Variants in TAB2 observed in about 807,000 individuals in gnomAD.
TAB2 encodes TGF-beta-activated kinase 1 and MAP3K7-binding protein 2.
A neutral mutation model predicts 65.0 loss-of-function variants in TAB2; 3 were observed. That is an observed-to-expected ratio of 0.05 (90% CI 0.02 to 0.12). The LOEUF (loss-of-function observed/expected upper bound fraction) is 0.12, where lower values mean the gene tolerates loss of function less well. Among genes scored for constraint, TAB2 ranks in the 10% least tolerant of loss-of-function variants. TAB2 has a pLI of 1.00. For missense variants in TAB2, 623 were observed against 840.3 expected, an observed-to-expected ratio of 0.74 and a Z score of 3.20; for synonymous variants, 298 against 285.1, an observed-to-expected ratio of 1.05 and a Z score of -0.46.
At chr6:149,221,560 A>C (rs1257746359) in intron 1 of TAB2, among the ~76,000 whole-genome samples, 1 of 152,232 alleles carries the variant, frequency 6.6e-6, no homozygotes, top group Non-Finnish European at 1.5e-5. Context: ...CCACTGCTAC[A>C]GCCAACTGAG....
intron 1 of TAB2, among the ~76,000 whole-genome samples, chr6:149,329,805 T>TA (rs2065626247): frequency 6.6e-6 from 1 of 152,164 alleles, no homozygotes; most frequent in Admixed American, 6.5e-5. Flanking sequence ...GGCTTTAAGA[T>TA]AAAATCTAAT....
intron 1 of TAB2, among the ~76,000 whole-genome samples, chr6:149,290,720 C>T (rs1778760926): frequency 6.6e-6 from 1 of 152,146 alleles, no homozygotes; most frequent in Admixed American, 6.5e-5. Flanking sequence ...TAGGGCACAC[C>T]TGTGGTCCTA....
At chr6:149,382,031 C>G (rs1336414336) in intron 3 of TAB2, among the ~76,000 whole-genome samples, 1 of 152,158 alleles carries the variant, frequency 6.6e-6, no homozygotes, top group African/African-American at 2.4e-5. Flanking sequence ...TGCATCAGAT[C>G]ATATCACTTC....
intron 1 of TAB2, among the ~76,000 whole-genome samples, chr6:149,252,365 A>G (rs908229709): frequency 1.3e-5 from 2 of 150,132 alleles, no homozygotes; most frequent in African/African-American, 2.5e-5. Flanking sequence ...ACGCCATTGC[A>G]CTGCAACCTG....
At chr6:149,312,911 C>T (rs567237853), upstream of TAB2, among the ~76,000 whole-genome samples, 1 of 152,102 alleles carries the variant, frequency 6.6e-6, no homozygotes, top group Non-Finnish European at 1.5e-5. Context: ...ATATTGTAGT[C>T]ACCATGTTGC....
chr6:149,283,832 ATG>A (rs1262273971), intron 1 of TAB2, among the ~76,000 whole-genome samples: 2 of 152,196 alleles, frequency 1.3e-5, no homozygotes, highest in Non-Finnish European at 2.9e-5. Flanking sequence ...TTATAATTAC[ATG>A]TGTGTATTAC....
intron 1 of TAB2, among the ~76,000 whole-genome samples, chr6:149,358,975 T>A (rs1407181200): frequency 1.3e-5 from 2 of 152,168 alleles, no homozygotes; most frequent in African/African-American, 2.4e-5. Flanking sequence ...AAGTCTTAAT[T>A]GATTCTTTTT....
At chr6:149,335,305 G>A (rs1242080348) in intron 1 of TAB2, among the ~76,000 whole-genome samples, 1 of 150,614 alleles carries the variant, frequency 6.6e-6, no homozygotes, top group African/African-American at 2.4e-5. Flanking sequence ...ATATAGATAT[G>A]TATGTATGTA....
intron 1 of TAB2, among the ~76,000 whole-genome samples, chr6:149,368,645 TTGTGTGTGTG>T (rs3056968): frequency 4.0e-4 from 59 of 147,594 alleles, no homozygotes; most frequent in African/African-American, 1.1e-3. Flanking sequence ...ATGCGAAAAT[TTGTGTGTGTG>T]TGTGTGTGTG....
chr6:149,223,877 C>G (rs555193757), intron 1 of TAB2, among the ~76,000 whole-genome samples: 1 of 152,068 alleles, frequency 6.6e-6, no homozygotes, highest in South Asian at 2.1e-4. Flanking sequence ...CTGGCTGAGA[C>G]TACACACCTC....
chr6:149,332,064 CAA>C (rs894140342), intron 1 of TAB2, among the ~76,000 whole-genome samples: 55 of 152,208 alleles, frequency 3.6e-4, no homozygotes, highest in Admixed American at 7.2e-4. Flanking sequence ...TCAAGGATGA[CAA>C]GAGATTTTTG....
At chr6:149,317,408 C>G (rs572649536), upstream of TAB2, 300 of 83,396 alleles carry the variant, frequency 3.6e-3, 1 homozygote, top group African/African-American at 0.015. This position sits in a 1 kb window ranked among gnomAD's most constrained non-coding sequence, Gnocchi z 4.7. Context: ...ATCCCCGGGC[C>G]GCAGCCGCAG....
At chr6:149,304,383 A>G (rs1779021886) in intron 1 of TAB2, 1 of 153,496 alleles carries the variant, frequency 6.5e-6, no homozygotes, top group South Asian at 2.1e-4. Context: ...GATGGTCACC[A>G]TGGGTTTTGC....
At chr6:149,367,944 T>C (rs1412334510) in intron 1 of TAB2, among the ~76,000 whole-genome samples, 1 of 152,122 alleles carries the variant, frequency 6.6e-6, no homozygotes, top group African/African-American at 2.4e-5. Context: ...AGTTAGCCAG[T>C]TGGATATGTT....
chr6:149,329,161 G>T (rs557970625), intron 1 of TAB2, among the ~76,000 whole-genome samples: 1 of 152,184 alleles, frequency 6.6e-6, no homozygotes, highest in Non-Finnish European at 1.5e-5. Context: ...TGGAAGACAA[G>T]TTCTTAAATT....
At chr6:149,370,386 T>A (rs1583132085) in intron 2 of TAB2, among the ~76,000 whole-genome samples, 1 of 152,330 alleles carries the variant, frequency 6.6e-6, no homozygotes, top group East Asian at 1.9e-4. Context: ...CTTTCTTAAC[T>A]TTTCTCCCAC....
chr6:149,293,301 A>G (rs984039742), intron 1 of TAB2, among the ~76,000 whole-genome samples: 1 of 152,242 alleles, frequency 6.6e-6, no homozygotes, highest in Admixed American at 6.5e-5. Context: ...TTTGTTTTAT[A>G]TAAATCTACC....
At chr6:149,386,368 G>A (rs1781809607) in intron 3 of TAB2, among the ~76,000 whole-genome samples, 1 of 152,050 alleles carries the variant, frequency 6.6e-6, no homozygotes, top group Non-Finnish European at 1.5e-5. Context: ...ACTGATATGT[G>A]CAGCCATCAC....
intron 3 of TAB2, among the ~76,000 whole-genome samples, chr6:149,395,799 T>G (rs1359572157): frequency 6.6e-6 from 1 of 152,188 alleles, no homozygotes; most frequent in Admixed American, 6.5e-5. Flanking sequence ...TCAGCAGCTA[T>G]CTGTGATTGT....
Sources: allele counts gnomAD v4.1 joint callset (sites outside exome capture counted in the v4.1 genomes callset), GRCh38; gene constraint gnomAD v4.1.1; non-coding constraint Gnocchi (gnomAD v3.1); transcripts MANE v1.5; gene names NCBI Gene and HGNC (gene_info 2026-07-23, HGNC 2026-07-21).